The following LPAR1 variants were observed in gnomAD, a reference collection of about 807,000 sequenced individuals.
LPAR1 encodes LPA receptor 1.
A neutral mutation model predicts 23.8 loss-of-function variants in LPAR1; 5 were observed. The ratio of observed to expected loss-of-function variants is 0.21; its 90% CI spans 0.11 to 0.44. The LOEUF (loss-of-function observed/expected upper bound fraction) is 0.44. Among genes scored for constraint, LPAR1 ranks in the 20% least tolerant of loss-of-function variants. LPAR1 has a pLI of 0.99. For synonymous variants in LPAR1, 160 were observed against 164.7 expected (o/e 0.97, Z 0.22); for missense variants, 311 against 482.8 (o/e 0.64, Z 3.33).
intron 4 of LPAR1, among the ~76,000 whole-genome samples, chr9:110,959,170 C>CAAAAAAAAAA (rs1186318362): frequency 4.4e-4 from 36 of 81,006 alleles, no homozygotes; most frequent in Admixed American, 7.7e-4. Context: ...GATGTCTCTA[C>CAAAAAAAAAA]AAAAAAAAAA....
chr9:110,881,909 T>G (rs2080968247), intron 5 of LPAR1, among the ~76,000 whole-genome samples: 1 of 152,178 alleles, frequency 6.6e-6, no homozygotes, highest in Admixed American at 6.5e-5. Flanking sequence ...GTTTCTTGGA[T>G]CTCATCTCTT....
chr9:110,977,813 AGGGAGGGCGGGAGGGAG>A (rs1564227409), intron 2 of LPAR1, among the ~76,000 whole-genome samples: 200 of 93,532 alleles, frequency 2.1e-3, no homozygotes, highest in African/African-American at 6.8e-3. Flanking sequence ...GGAAGGAGGG[AGGGAGGGCGGGAGGGAG>A]GGAGGGAAGG....
intron 2 of LPAR1, among the ~76,000 whole-genome samples, chr9:111,020,127 A>G (rs1234700889): frequency 2.0e-5 from 3 of 152,200 alleles, no homozygotes; most frequent in Non-Finnish European, 4.4e-5. Flanking sequence ...ATTATCTCCT[A>G]AAAGCCTTAT....
In LPAR1 at chr9:110,906,367, A is replaced by G. The variant is rs59159978; in HGVS notation, c.794-30645T>C. ...GTATAATATAATGTTGACACTGGTG[A>G]TGTTTTTAAAAAACTTATTTCAAGC... On this transcript the variant is annotated intron_variant, in intron 5 of 5. Transcript: ENST00000683809. 3.8e-3 allele frequency among the ~76,000 whole-genome samples: 574 copies of G among 152,334 alleles called. 2 individuals are homozygous for G. The highest frequency in any genetic ancestry group is 0.013 in the African/African-American group (528 of 41,576).
chr9:110,888,047 T>C (rs905409264), intron 5 of LPAR1, among the ~76,000 whole-genome samples: 2 of 152,222 alleles, frequency 1.3e-5, no homozygotes, highest in African/African-American at 4.8e-5. Flanking sequence ...GCTTTACTGA[T>C]ACCAAGTCAT....
intron 5 of LPAR1, among the ~76,000 whole-genome samples, chr9:110,908,016 G>T (rs975813416): frequency 6.6e-6 from 1 of 151,032 alleles, no homozygotes; most frequent in Non-Finnish European, 1.5e-5. Flanking sequence ...CACTACAGAA[G>T]ATGGAGGCTA....
chr9:110,880,299 G>T (rs1478010592), intron 5 of LPAR1, among the ~76,000 whole-genome samples: 6 of 152,152 alleles, frequency 3.9e-5, no homozygotes, highest in African/African-American at 1.4e-4. Flanking sequence ...GAGGAATGAG[G>T]CTGTTTTGGA....
intron 5 of LPAR1, among the ~76,000 whole-genome samples, chr9:110,896,380 T>TATC (rs1418537627): frequency 6.6e-6 from 1 of 152,240 alleles, no homozygotes; most frequent in African/African-American, 2.4e-5. Context: ...ATTTATATGT[T>TATC]ATCTCTTTAT....
At chr9:110,938,741 G>A (rs950126666) in intron 5 of LPAR1, among the ~76,000 whole-genome samples, 4 of 151,886 alleles carry the variant, frequency 2.6e-5, no homozygotes, top group African/African-American at 9.7e-5. Flanking sequence ...GGGTGTGGTG[G>A]TATGCACCTG....
intron 5 of LPAR1, among the ~76,000 whole-genome samples, chr9:110,930,630 A>G (rs576752528): frequency 2.6e-5 from 4 of 152,296 alleles, no homozygotes; most frequent in Admixed American, 2.6e-4. Flanking sequence ...CTAGTCAATT[A>G]AGAAAGTGAA....
intron 5 of LPAR1, among the ~76,000 whole-genome samples, chr9:110,893,510 G>GTA (rs1292385246): frequency 1.3e-5 from 2 of 152,166 alleles, no homozygotes; most frequent in African/African-American, 2.4e-5. Flanking sequence ...GTACTTATAT[G>GTA]TATATATACC....
intron 5 of LPAR1, among the ~76,000 whole-genome samples, chr9:110,927,588 A>C (rs1431332356): frequency 6.6e-6 from 1 of 152,166 alleles, no homozygotes; most frequent in Non-Finnish European, 1.5e-5. Flanking sequence ...TTGAAAACAA[A>C]ACTGAAAACA....
At chr9:110,968,441 TCTCTCA>T (rs1285587435) in intron 4 of LPAR1, among the ~76,000 whole-genome samples, 1 of 152,076 alleles carries the variant, frequency 6.6e-6, no homozygotes, top group Non-Finnish European at 1.5e-5. Context: ...TCTCTCTCTC[TCTCTCA>T]CACACACACA....
chr9:110,905,128 T>C (rs2090769036), intron 5 of LPAR1, among the ~76,000 whole-genome samples: 1 of 152,168 alleles, frequency 6.6e-6, no homozygotes, highest in South Asian at 2.1e-4. Flanking sequence ...AACAAATCCT[T>C]GGAACTAAAG....
In LPAR1 at chr9:110,881,799, A is replaced by G. The variant is rs151073346; in HGVS notation, c.794-6077T>C. 3.9e-4 allele frequency among the ~76,000 whole-genome samples: 59 copies of G among 152,202 alleles called. 1 individual carries two copies. The East Asian group carries it at 0.01, about 26-fold the overall frequency. ...GCTTGTACAAAACAAGCATAAATCA[A>G]TTTGCACTAAGTCACTCTCCTGCTT... On this transcript the variant is annotated intron_variant, in intron 5 of 5. Coordinates refer to ENST00000683809, the MANE Select transcript of LPAR1 (RefSeq NM_001351411.2).
At chr9:110,876,877 A>C (rs1240653046) in intron 5 of LPAR1, among the ~76,000 whole-genome samples, 1 of 152,234 alleles carries the variant, frequency 6.6e-6, no homozygotes, top group Admixed American at 6.5e-5. Context: ...GTTGTAAAAT[A>C]GCATTAAATC....
intron 2 of LPAR1, among the ~76,000 whole-genome samples, chr9:111,004,497 C>T (rs1341088252): frequency 6.6e-6 from 1 of 152,150 alleles, no homozygotes; most frequent in African/African-American, 2.4e-5. Flanking sequence ...CAACTCAAAA[C>T]CTTAAGATCA....
intron 5 of LPAR1, among the ~76,000 whole-genome samples, chr9:110,911,649 G>A (rs2092448240): frequency 6.6e-6 from 1 of 151,798 alleles, no homozygotes; most frequent in African/African-American, 2.4e-5. Context: ...TTAAGGCTCA[G>A]ATGACTGTTA....
chr9:111,012,464 C>T (rs1176177323), intron 2 of LPAR1, among the ~76,000 whole-genome samples: 1 of 105,672 alleles, frequency 9.5e-6, no homozygotes, highest in Non-Finnish European at 1.9e-5. Context: ...CATGTACGCA[C>T]GCGCGCACAC....
Sources: gnomAD v4.1 joint callset for allele counts (sites outside exome capture counted in the v4.1 genomes callset) on GRCh38, gnomAD v4.1.1 for gene constraint, MANE v1.5 for transcripts, NCBI Gene and HGNC (gene_info 2026-07-23, HGNC 2026-07-21) for gene names.